TTC39C: variants seen among roughly 807,000 people sequenced by gnomAD.
TTC39C encodes the protein tetratricopeptide repeat protein 39C.
Under a neutral mutation model 76.3 loss-of-function variants are expected in TTC39C, and 33 were observed. The observed-to-expected ratio is 0.43, with a 90% CI of 0.33 to 0.58. TTC39C has a LOEUF of 0.58. Ranked by LOEUF, TTC39C falls within the 20% of genes least tolerant of loss-of-function variation. The pLI is 0.04. For synonymous variants in TTC39C, 254 were observed against 260.6 expected (o/e 0.97, Z 0.24); for missense variants, 595 against 701.4 (o/e 0.85, Z 1.71).
chr18:24,030,628 C>G (rs2083656002), intron 1 of TTC39C, among the ~76,000 whole-genome samples: 2 of 146,530 alleles, frequency 1.4e-5, no homozygotes, highest in African/African-American at 5.0e-5. Flanking sequence ...CTAATTCTCT[C>G]AACAGCCCCA....
rs560240522 is a variant in TTC39C, at chr18:24,049,175, T to G, written c.168-14965T>G. On this transcript the variant is annotated intron_variant, in intron 1 of 13. Transcript: ENST00000317571. ...GCAGGAAATCACTCAAAACATTTTGTATGTTCCAGAGACTACTCAAATATT... is the reference window on the plus strand; with the variant it reads ...GCAGGAAATCACTCAAAACATTTTGGATGTTCCAGAGACTACTCAAATATT... Among the ~76,000 whole-genome samples the G allele has an allele frequency of 6.6e-5, 10 of 152,364 alleles. No individual in the cohort carries two copies. In the South Asian group the frequency reaches 1.7e-3, roughly 25 times the overall value.
chr18:24,079,552 G>A (rs1286465357), intron 4 of TTC39C, among the ~76,000 whole-genome samples: 2 of 152,172 alleles, frequency 1.3e-5, no homozygotes, highest in African/African-American at 4.8e-5. Context: ...CTTCACTGTG[G>A]TTGGGGCAGT....
chr18:24,102,464 T>C (rs1172762141), intron 6 of TTC39C, among the ~76,000 whole-genome samples: 2 of 152,190 alleles, frequency 1.3e-5, no homozygotes, highest in Non-Finnish European at 2.9e-5. Flanking sequence ...AATTCGGTTA[T>C]GAAGAAAGCA....
intron 1 of TTC39C, among the ~76,000 whole-genome samples, chr18:24,027,425 TG>T (rs1268117960): frequency 1.3e-5 from 2 of 152,208 alleles, no homozygotes; most frequent in Non-Finnish European, 2.9e-5. Flanking sequence ...AGTTATGTGT[TG>T]GCAACTGATA....
intron 1 of TTC39C, among the ~76,000 whole-genome samples, chr18:23,993,618 A>T (rs552802792): frequency 6.6e-6 from 1 of 152,216 alleles, no homozygotes; most frequent in African/African-American, 2.4e-5. Context: ...CCAGCTGTGA[A>T]ATTTAGAATC....
At chr18:24,124,717 CAGT>C (rs2085024791) in intron 9 of TTC39C, among the ~76,000 whole-genome samples, 1 of 152,142 alleles carries the variant, frequency 6.6e-6, no homozygotes, top group African/African-American at 2.4e-5. Flanking sequence ...CACTGGCACT[CAGT>C]AGAAAATTTT....
At position 24,014,922 on chromosome 18, in the gene TTC39C, GGACGC is replaced by G. The variant is rs2083432584; in HGVS notation, c.53_57del (p.Asp18GlyfsTer40). On this transcript the variant is annotated frameshift_variant, in exon 1 of 14. Coordinates refer to ENST00000317571, the MANE Select transcript of TTC39C (RefSeq NM_001135993.2). LOFTEE classifies it high-confidence loss of function. ...CGCGGCGGCGGGACGACGGAGACTC[GGACGC>G]GGCAGCGGCGGCGGCGGCGCCCCTG... 6.6e-7 allele frequency: 1 copy of G among 1,518,660 alleles called. No homozygotes were observed. Among genetic ancestry groups the G allele is most frequent in the South Asian group, 1.2e-5 (1 of 80,692 alleles). The allele number at this position is 1,518,660 out of a possible 1,614,324, so 94.1% of individuals were successfully genotyped here.
Position 24,098,382 on chromosome 18 carries a change from TTCCCTCCCTCCC to T in TTC39C, c.984+15325_984+15336del, listed in dbSNP as rs1290848656. Among the ~76,000 whole-genome samples, 58 of 104,022 alleles carry T rather than the reference TTCCCTCCCTCCC, an allele frequency of 5.6e-4. No individual in the cohort carries two copies. In the East Asian group the frequency reaches 0.012, roughly 22 times the overall value. The allele number at this position is 104,022 out of a possible 152,430, so 68.2% of individuals were successfully genotyped here. ...GCTTTCTTTCTTTCCTTTCTTTTCC[TTCCCTCCCTCCC>T]TCCCTCCCTCCCTCCCTCCCTCCTT... is the stretch of plus-strand genomic sequence containing the variant. On this transcript the variant is annotated intron_variant, in intron 6 of 13. Coordinates refer to ENST00000317571, the MANE Select transcript of TTC39C (RefSeq NM_001135993.2).
At chr18:24,120,081 G>T (rs1487925761) in intron 8 of TTC39C, among the ~76,000 whole-genome samples, 1 of 152,132 alleles carries the variant, frequency 6.6e-6, no homozygotes, top group African/African-American at 2.4e-5. Context: ...AGATGTGGGT[G>T]AATAGCTCCA....
At chr18:24,118,097 T>G in intron 7 of TTC39C, 28 bp from the exon 8 acceptor site, 1 of 1,592,538 alleles carries the variant, frequency 6.3e-7, no homozygotes, top group African/African-American at 1.3e-5. Flanking sequence ...TACTTTAGGG[T>G]CATGTGCTAA....
intron 1 of TTC39C, among the ~76,000 whole-genome samples, chr18:24,053,544 A>G (rs2083978981): frequency 6.6e-6 from 1 of 152,236 alleles, no homozygotes; most frequent in East Asian, 1.9e-4. Flanking sequence ...TGCTCCCATA[A>G]TAGTTTCCCG....
intron 6 of TTC39C, among the ~76,000 whole-genome samples, chr18:24,095,346 ATGCTGATT>A (rs1194589156): frequency 6.6e-6 from 1 of 152,220 alleles, no homozygotes; most frequent in East Asian, 1.9e-4. Flanking sequence ...ATCAGCAGTA[ATGCTGATT>A]TGCTTTCTTA....
At chr18:24,116,239 T>C (rs1021004942) in intron 7 of TTC39C, among the ~76,000 whole-genome samples, 4 of 152,226 alleles carry the variant, frequency 2.6e-5, no homozygotes, top group African/African-American at 9.6e-5. Flanking sequence ...CTATCTATGC[T>C]AGGATAAAAA....
At chr18:24,091,494 A>G (rs571853628) in intron 6 of TTC39C, among the ~76,000 whole-genome samples, 6 of 152,322 alleles carry the variant, frequency 3.9e-5, no homozygotes, top group African/African-American at 1.2e-4. Context: ...CCCTTATACT[A>G]TACAAGAAAA....
exon 1 of TTC39C, chr18:23,992,982 GCT>G (rs2083231790): frequency 6.6e-6 from 1 of 152,218 alleles, no homozygotes; most frequent in Non-Finnish European, 1.5e-5. Context: ...GCTCAGAAAG[GCT>G]GAGTCCTAAG....
chr18:24,107,535 C>T (rs893029411), intron 6 of TTC39C, among the ~76,000 whole-genome samples: 7 of 152,080 alleles, frequency 4.6e-5, no homozygotes, highest in African/African-American at 1.2e-4. Flanking sequence ...TGAGTTCTCA[C>T]GAGATCTGAT....
chr18:24,002,442 C>T (rs77757737), intron 1 of TTC39C, among the ~76,000 whole-genome samples: 1 of 152,156 alleles, frequency 6.6e-6, no homozygotes, highest in Non-Finnish European at 1.5e-5. Context: ...CCAAATTGAC[C>T]AGCAGCCATT....
intron 6 of TTC39C, among the ~76,000 whole-genome samples, chr18:24,104,368 G>A (rs1207498714): frequency 6.6e-6 from 1 of 152,094 alleles, no homozygotes; most frequent in African/African-American, 2.4e-5. Context: ...TTCCTTAAAT[G>A]CACAGGGCAC....
chr18:24,069,385 G>T, intron 4 of TTC39C, 114 bp downstream of exon 4: 1 of 817,224 alleles, frequency 1.2e-6, no homozygotes, highest in Non-Finnish European at 1.9e-6. Flanking sequence ...GCACCTCTTT[G>T]GGGCATGATA....
Sources: gnomAD v4.1 joint callset for allele counts (sites outside exome capture counted in the v4.1 genomes callset) on GRCh38, gnomAD v4.1.1 for gene constraint, MANE v1.5 for transcripts, NCBI Gene and HGNC (gene_info 2026-07-23, HGNC 2026-07-21) for gene names.